RAB31: variants seen among roughly 807,000 people sequenced by gnomAD.
RAB31 encodes RAB31, member RAS oncogene family.
In RAB31, 21 loss-of-function variants were observed where a neutral mutation model predicts 25.6. The ratio of observed to expected loss-of-function variants is 0.82; its 90% confidence interval spans 0.58 to 1.18. The LOEUF is 1.18. Among genes scored for constraint, RAB31 ranks in the 50% most tolerant of loss-of-function variants. RAB31 has a pLI of 0.00. For synonymous variants in RAB31, 87 were observed against 84.0 expected, an observed-to-expected ratio of 1.04 and a Z score of -0.20; for missense variants, 196 against 250.1, an observed-to-expected ratio of 0.78 and a Z score of 1.46.
intron 2 of RAB31, chr18:9,787,083 A>G (rs1441353458): frequency 4.7e-6 from 1 of 212,500 alleles, no homozygotes; most frequent in African/African-American, 2.3e-5. Context: ...AGCTATTTCA[A>G]GCTAAAGGGA....
At chr18:9,806,724 G>T (rs1160782503) in intron 3 of RAB31, among the ~76,000 whole-genome samples, 1 of 152,208 alleles carries the variant, frequency 6.6e-6, no homozygotes, top group East Asian at 1.9e-4. Flanking sequence ...GTTAACATAA[G>T]ATGATGTCAA....
intron 5 of RAB31, 22 bp from the exon 6 acceptor site, chr18:9,845,560 C>T: frequency 6.6e-7 from 1 of 1,513,140 alleles, no homozygotes; most frequent in East Asian, 2.5e-5. Flanking sequence ...CATTTCCTGT[C>T]TACATTTGAC....
intron 2 of RAB31, among the ~76,000 whole-genome samples, chr18:9,781,907 T>G (rs1005502857): frequency 6.6e-5 from 10 of 152,220 alleles, no homozygotes; most frequent in African/African-American, 2.4e-4. Flanking sequence ...GCTGAGGAAC[T>G]GGCTTATATT....
chr18:9,844,731 G>GA (rs768868976), intron 5 of RAB31: 3 of 152,238 alleles, frequency 2.0e-5, no homozygotes, highest in Non-Finnish European at 4.4e-5. Flanking sequence ...GAGGTCAGTA[G>GA]GTTTTTTTAG....
intron 5 of RAB31, among the ~76,000 whole-genome samples, chr18:9,834,116 C>CT (rs553750745): frequency 9.9e-5 from 15 of 151,228 alleles, no homozygotes; most frequent in South Asian, 2.1e-4. Flanking sequence ...CTATGCAGCC[C>CT]TTTTTTTTTC....
At chr18:9,770,204 A>G (rs991066705) in intron 1 of RAB31, among the ~76,000 whole-genome samples, 24 of 152,204 alleles carry the variant, frequency 1.6e-4, no homozygotes, top group Non-Finnish European at 3.2e-4. Flanking sequence ...CTGGCCTCAT[A>G]AAATGAGTTA....
In RAB31 at chr18:9,729,080, A is replaced by G. The variant is rs948672107; in HGVS notation, c.39+20636A>G. On this transcript the variant is annotated intron_variant, in intron 1 of 6. Coordinates refer to ENST00000578921, the MANE Select transcript of RAB31 (RefSeq NM_006868.4). ...CTAAACTCTTTGTTATTTGTATTGC[A>G]TATGTTTTTCCTCAGTTTGTTGTTT... Among the ~76,000 whole-genome samples, 4 of 152,108 alleles carry G rather than the reference A, an allele frequency of 2.6e-5. No homozygotes were observed. In the East Asian group the frequency reaches 5.8e-4, roughly 22 times the overall value.
At chr18:9,731,512 G>A (rs1429410144) in intron 1 of RAB31, among the ~76,000 whole-genome samples, 1 of 152,170 alleles carries the variant, frequency 6.6e-6, no homozygotes, top group African/African-American at 2.4e-5. Flanking sequence ...CAACTGTATG[G>A]GAGGGAATCT....
intron 1 of RAB31, among the ~76,000 whole-genome samples, chr18:9,747,712 T>G (rs917153829): frequency 6.6e-6 from 1 of 152,032 alleles, no homozygotes; most frequent in African/African-American, 2.4e-5. Context: ...GAAGGGGCAA[T>G]GGGGAATAAC....
rs1374618426 is a variant in RAB31 at position 9,708,725 on chromosome 18, T to A, written c.39+281T>A. Among the ~76,000 whole-genome samples the A allele has an allele frequency of 6.6e-6, 1 of 151,938 alleles. No homozygotes were observed. Among genetic ancestry groups the A allele is most frequent in the Non-Finnish European group, 1.5e-5 (1 of 67,990 alleles). On this transcript the variant is annotated intron_variant, in intron 1 of 6. Coordinates refer to ENST00000578921, the MANE Select transcript of RAB31 (RefSeq NM_006868.4). This position sits in a 1 kb window ranked among gnomAD's most constrained non-coding sequence, Gnocchi z 6.4. ...CTCTGGTCCGCCCCCGCTCTCACCC[T>A]GCCGGGGTCCGGGTCCGAGCCTGCC...
chr18:9,852,039 A>G (rs932816330), intron 6 of RAB31, among the ~76,000 whole-genome samples: 7 of 151,970 alleles, frequency 4.6e-5, no homozygotes, highest in South Asian at 4.1e-4. Context: ...TCAAAATGTT[A>G]ACAGTGGTTG....
At chr18:9,711,952 C>T (rs974701438) in intron 1 of RAB31, among the ~76,000 whole-genome samples, 3 of 152,192 alleles carry the variant, frequency 2.0e-5, no homozygotes, top group Admixed American at 6.5e-5. Context: ...GGGCAGTAGG[C>T]GCTTTCAGCA....
At chr18:9,848,054 C>A (rs1477853608) in intron 6 of RAB31, among the ~76,000 whole-genome samples, 2 of 152,028 alleles carry the variant, frequency 1.3e-5, no homozygotes, top group Non-Finnish European at 2.9e-5. Flanking sequence ...CATCAAATAC[C>A]CATATCACCT....
intron 3 of RAB31, among the ~76,000 whole-genome samples, chr18:9,813,583 A>G (rs370485431): frequency 1.3e-5 from 2 of 152,246 alleles, no homozygotes; most frequent in South Asian, 2.1e-4. Flanking sequence ...CGGGTGCGGT[A>G]GCTCACACCT....
intron 1 of RAB31, among the ~76,000 whole-genome samples, chr18:9,774,542 G>A (rs1249607173): frequency 6.6e-6 from 1 of 152,106 alleles, no homozygotes; most frequent in Non-Finnish European, 1.5e-5. Flanking sequence ...TTGTCCTCCT[G>A]GATTTTGTTG....
At chr18:9,720,098 G>C (rs748029519) in intron 1 of RAB31, among the ~76,000 whole-genome samples, 3 of 152,146 alleles carry the variant, frequency 2.0e-5, no homozygotes, top group Non-Finnish European at 4.4e-5. Context: ...CAAGTAGTTG[G>C]AATTACACGC....
At chr18:9,751,779 G>A (rs945287163) in intron 1 of RAB31, among the ~76,000 whole-genome samples, 10 of 152,182 alleles carry the variant, frequency 6.6e-5, no homozygotes, top group Admixed American at 2.0e-4. Context: ...GGAAAGGGGC[G>A]TGCCCAGGGC....
intron 5 of RAB31, among the ~76,000 whole-genome samples, chr18:9,829,433 T>G (rs899756955): frequency 1.3e-5 from 2 of 152,242 alleles, no homozygotes; most frequent in Admixed American, 1.3e-4. Flanking sequence ...GTTTTATGAG[T>G]GGAACACAGT....
chr18:9,835,635 C>T (rs892252258), intron 5 of RAB31, among the ~76,000 whole-genome samples: 1 of 152,106 alleles, frequency 6.6e-6, no homozygotes, highest in Non-Finnish European at 1.5e-5. Context: ...TGCTGGTACA[C>T]GGTTGTCAAG....
Sources: gnomAD v4.1 joint callset for allele counts (sites outside exome capture counted in the v4.1 genomes callset) on GRCh38, gnomAD v4.1.1 for gene constraint, Gnocchi (gnomAD v3.1) non-coding constraint, MANE v1.5 for transcripts, NCBI Gene and HGNC (gene_info 2026-07-23, HGNC 2026-07-21) for gene names.